TASP1: variants seen among roughly 807,000 people sequenced by gnomAD.
TASP1 encodes the protein taspase 1, also known as threonine aspartase 1.
In TASP1, 16 loss-of-function variants were observed where a neutral mutation model predicts 56.6. The ratio of observed to expected loss-of-function variants is 0.28; its 90% CI spans 0.19 to 0.43. The LOEUF (loss-of-function observed/expected upper bound fraction) is 0.43, where lower values mean the gene tolerates loss of function less well. TASP1 is among the 20% of genes least tolerant of loss of function. TASP1 has a pLI of 1.00. For synonymous variants in TASP1, 179 were observed against 184.2 expected (o/e 0.97, Z 0.23); for missense variants, 393 against 511.6 (o/e 0.77, Z 2.24).
At chr20:13,256,702 G>C in the TASP1 span, among the ~76,000 whole-genome samples, 1 of 152,186 alleles carries the variant, frequency 6.6e-6, no homozygotes, top group Non-Finnish European at 1.5e-5. Flanking sequence ...TGTTGGAAGA[G>C]GTATTCACTC....
At chr20:13,361,101 G>C in the TASP1 span, among the ~76,000 whole-genome samples, 8 of 151,858 alleles carry the variant, frequency 5.3e-5, no homozygotes, top group African/African-American at 1.9e-4. Context: ...TACTCCTCAG[G>C]GATTATTCAG....
chr20:13,581,067 A>G (rs984048940), intron 5 of TASP1, 86 bp from the exon 6 acceptor site: 2 of 1,232,600 alleles, frequency 1.6e-6, no homozygotes, highest in Non-Finnish European at 2.3e-6. Flanking sequence ...TTTCAATAAA[A>G]CAACTTGAAT....
intron 12 of TASP1, among the ~76,000 whole-genome samples, chr20:13,427,204 G>A (rs531479790): frequency 1.3e-5 from 2 of 152,202 alleles, no homozygotes; most frequent in East Asian, 1.9e-4. Context: ...ACCAAAAGGC[G>A]GTTTGGAATT....
chr20:13,114,580 G>T, the TASP1 span, among the ~76,000 whole-genome samples: 1 of 152,192 alleles, frequency 6.6e-6, no homozygotes, highest in African/African-American at 2.4e-5. Flanking sequence ...AAGAATGTAA[G>T]CTATTCTCCT....
chr20:13,179,401 A>ATGTGCG, the TASP1 span, among the ~76,000 whole-genome samples: 34,816 of 107,804 alleles, frequency 0.32, 4,465 homozygotes, highest in South Asian at 0.49. Context: ...AAGTAGAATT[A>ATGTGCG]TGTGCGTGTG....
chr20:13,304,829 A>C, the TASP1 span, among the ~76,000 whole-genome samples: 53 of 152,016 alleles, frequency 3.5e-4, no homozygotes, highest in Non-Finnish European at 5.0e-4. Context: ...GCAGTCACCT[A>C]CTTGAAAACA....
At chr20:13,162,863 CTGTCACTAAGA>C in the TASP1 span, among the ~76,000 whole-genome samples, 1 of 152,164 alleles carries the variant, frequency 6.6e-6, no homozygotes, top group Admixed American at 6.5e-5. Context: ...TCCCATCTTC[CTGTCACTAAGA>C]TGCCCACGGT....
the TASP1 span, among the ~76,000 whole-genome samples, chr20:13,260,603 T>G: frequency 8.9e-6 from 1 of 111,954 alleles, no homozygotes; most frequent in African/African-American, 3.7e-5. Context: ...TAAAGTGGAG[T>G]TTTTTTTTTT....
At chr20:13,556,302 T>A (rs1477400759) in intron 8 of TASP1, among the ~76,000 whole-genome samples, 2 of 152,130 alleles carry the variant, frequency 1.3e-5, no homozygotes, top group Non-Finnish European at 2.9e-5. Context: ...GTCATCTCCA[T>A]CCCTATCACC....
chr20:13,233,756 T>C, the TASP1 span, among the ~76,000 whole-genome samples: 13 of 152,192 alleles, frequency 8.5e-5, no homozygotes, highest in Non-Finnish European at 1.5e-4. Flanking sequence ...AATACTGTCC[T>C]TCTCTTACAC....
chr20:13,423,692 T>A (rs1416849942), intron 12 of TASP1, among the ~76,000 whole-genome samples: 1 of 152,202 alleles, frequency 6.6e-6, no homozygotes, highest in Non-Finnish European at 1.5e-5. Flanking sequence ...AGGGAACTAG[T>A]TGAGTAAGGA....
At chr20:13,278,564 C>A in the TASP1 span, among the ~76,000 whole-genome samples, 1 of 152,216 alleles carries the variant, frequency 6.6e-6, no homozygotes, top group African/African-American at 2.4e-5. Flanking sequence ...GCTCTAGAAC[C>A]AGACTCCCCA....
chr20:13,569,825 T>C (rs1450816101), intron 6 of TASP1, among the ~76,000 whole-genome samples: 3 of 152,052 alleles, frequency 2.0e-5, no homozygotes, highest in South Asian at 2.1e-4. Flanking sequence ...CTAGTAAAAA[T>C]TGGCAAACTC....
intron 8 of TASP1, among the ~76,000 whole-genome samples, chr20:13,541,920 C>A (rs974226138): frequency 1.3e-5 from 2 of 151,804 alleles, no homozygotes; most frequent in African/African-American, 4.8e-5. Flanking sequence ...CGGTGTGTGC[C>A]CATAGTCCCA....
chr20:13,596,198 C>T (rs1323153607), intron 4 of TASP1, among the ~76,000 whole-genome samples: 2 of 152,058 alleles, frequency 1.3e-5, no homozygotes, highest in African/African-American at 4.8e-5. Context: ...CATGGAGAAA[C>T]CCCATCTCTA....
At chr20:13,507,882 A>G (rs1175800370) in intron 10 of TASP1, among the ~76,000 whole-genome samples, 1 of 152,176 alleles carries the variant, frequency 6.6e-6, no homozygotes, top group Non-Finnish European at 1.5e-5. Flanking sequence ...AAAAACAGAA[A>G]CACAGATCAA....
chr20:13,412,795 T>C (rs2042133253), intron 13 of TASP1, among the ~76,000 whole-genome samples: 1 of 152,176 alleles, frequency 6.6e-6, no homozygotes, highest in Non-Finnish European at 1.5e-5. Context: ...AGTGGCAACA[T>C]ATTTGTTTAT....
At chr20:13,214,562 CAGAGAGAGAG>C in the TASP1 span, among the ~76,000 whole-genome samples, 1 of 111,302 alleles carries the variant, frequency 9.0e-6, no homozygotes, top group Non-Finnish European at 2.0e-5. Context: ...CACACACACA[CAGAGAGAGAG>C]AGAGAGAGAG....
the TASP1 span, among the ~76,000 whole-genome samples, chr20:13,355,771 C>A: frequency 6.6e-6 from 1 of 152,186 alleles, no homozygotes; most frequent in African/African-American, 2.4e-5. Context: ...AGCTAGGGAT[C>A]TGATGGTGGG....
Sources: gnomAD v4.1 joint callset for allele counts (sites outside exome capture counted in the v4.1 genomes callset) on GRCh38, gnomAD v4.1.1 for gene constraint, MANE v1.5 for transcripts, NCBI Gene and HGNC (gene_info 2026-07-23, HGNC 2026-07-21) for gene names.